ROR1: variants seen among roughly 807,000 people sequenced by gnomAD.
ROR1 encodes ROR family WNT receptor 1, also known as inactive tyrosine-protein kinase transmembrane receptor ROR1.
ROR1 carries 19 observed loss-of-function variants against 78.8 expected under a neutral mutation model. The ratio of observed to expected loss-of-function variants is 0.24; its 90% CI spans 0.17 to 0.35. ROR1 has a LOEUF of 0.35. Among genes scored for constraint, ROR1 ranks in the 10% least tolerant of loss-of-function variants. The probability of loss-of-function intolerance (pLI) is 1.00; values close to 1 mark genes in which losing one functional copy is unlikely to be tolerated. For missense variants in ROR1, 917 were observed against 1,177.8 expected, an observed-to-expected ratio of 0.78 and a Z score of 3.24; for synonymous variants, 386 against 433.6, an observed-to-expected ratio of 0.89 and a Z score of 1.36.
intron 4 of ROR1, among the ~76,000 whole-genome samples, chr1:64,123,215 T>C (rs543581013): frequency 6.6e-6 from 1 of 152,334 alleles, no homozygotes; most frequent in East Asian, 1.9e-4. Flanking sequence ...AGGCTACCTC[T>C]ATGTCTCTGC....
chr1:63,903,154 G>A lies in ROR1; in HGVS notation c.92-106151G>A, dbSNP rs144216066. ...TAAAATCAGGGTTCTGTTAAGATAA[G>A]GGAAAAGGAGGGGCTGGATATCAGG... On this transcript the variant is annotated intron_variant, in intron 1 of 8. Coordinates refer to ENST00000371079, the MANE Select transcript of ROR1 (RefSeq NM_005012.4). 3.0e-3 allele frequency among the ~76,000 whole-genome samples: 454 copies of A among 152,282 alleles called. 1 individual carries two copies. The highest frequency in any genetic ancestry group is 5.6e-3 in the Non-Finnish European group (384 of 68,020).
At chr1:64,085,945 G>A (rs555496619) in intron 4 of ROR1, among the ~76,000 whole-genome samples, 9 of 152,276 alleles carry the variant, frequency 5.9e-5, no homozygotes, top group East Asian at 5.8e-4. Flanking sequence ...GGCATGTGCC[G>A]TTGGTTATCA....
chr1:64,119,740 A>G (rs949275153), intron 4 of ROR1, among the ~76,000 whole-genome samples: 1 of 151,956 alleles, frequency 6.6e-6, no homozygotes, highest in Non-Finnish European at 1.5e-5. Flanking sequence ...GAACCATAGT[A>G]GGTCAGGACA....
At chr1:63,782,273 A>G (rs1018402862) in intron 1 of ROR1, among the ~76,000 whole-genome samples, 8 of 152,202 alleles carry the variant, frequency 5.3e-5, no homozygotes, top group African/African-American at 1.9e-4. Flanking sequence ...TCTCACAGTT[A>G]AGTGAAGCCA....
chr1:63,941,735 G>T (rs1645842195), intron 1 of ROR1, among the ~76,000 whole-genome samples: 2 of 152,154 alleles, frequency 1.3e-5, no homozygotes, highest in African/African-American at 4.8e-5. Flanking sequence ...ATAAGGCTTT[G>T]TTCCCTTCTA....
rs566038142 is a variant in ROR1, at chr1:64,032,145, A to C, written c.164-17546A>C. Among the ~76,000 whole-genome samples the C allele has an allele frequency of 2.6e-5, 4 of 152,022 alleles. No homozygotes were observed. The East Asian group carries it at 5.8e-4, about 22-fold the overall frequency. ...ATCATGAGGTCAGGAGATCGAGACCATCCTGGCTACCACAGTGAAACCCCG... is the reference window on the plus strand; with the variant it reads ...ATCATGAGGTCAGGAGATCGAGACCCTCCTGGCTACCACAGTGAAACCCCG... On this transcript the variant is annotated intron_variant, in intron 2 of 8. Transcript: ENST00000371079.
chr1:63,878,243 A>G (rs145380199), intron 1 of ROR1, among the ~76,000 whole-genome samples: 3,005 of 152,232 alleles, frequency 0.02, 89 homozygotes, highest in African/African-American at 0.065. Flanking sequence ...TACAGGACTC[A>G]TGTGGAATGC....
Position 63,878,167 on chromosome 1 carries a change from T to C in ROR1, c.91+103659T>C, listed in dbSNP as rs372718301. Reference sequence around the variant, plus strand: ...CTTGGGGACTCCAGAAGGGCCTTGGTGTCCTTCAGTAGCATGGAGTGTATA... The same window carrying C: ...CTTGGGGACTCCAGAAGGGCCTTGGCGTCCTTCAGTAGCATGGAGTGTATA... On this transcript the variant is annotated intron_variant, in intron 1 of 8. Transcript: ENST00000371079. Among the ~76,000 whole-genome samples the C allele has an allele frequency of 1.7e-4, 26 of 152,312 alleles. No homozygotes were observed. The East Asian group carries it at 4.6e-3, about 27-fold the overall frequency.
At chr1:64,166,298 CATG>C (rs1168786718) in intron 8 of ROR1, among the ~76,000 whole-genome samples, 1 of 152,176 alleles carries the variant, frequency 6.6e-6, no homozygotes, top group East Asian at 1.9e-4. Context: ...AGTCAGCTAG[CATG>C]ATGCCTCCAG....
At chr1:63,878,348 C>G (rs615173) in intron 1 of ROR1, among the ~76,000 whole-genome samples, 113,571 of 152,160 alleles carry the variant, frequency 0.75, 48,037 homozygotes, top group East Asian at 0.99. Flanking sequence ...ATTACCATTC[C>G]TTGACGATGA....
intron 1 of ROR1, among the ~76,000 whole-genome samples, chr1:63,872,618 C>T (rs1379606119): frequency 6.6e-6 from 1 of 152,162 alleles, no homozygotes; most frequent in Non-Finnish European, 1.5e-5. Flanking sequence ...GGCCACCCAG[C>T]CTTTCTTGGC....
At chr1:63,840,611 A>G (rs1036241625) in intron 1 of ROR1, among the ~76,000 whole-genome samples, 1 of 152,078 alleles carries the variant, frequency 6.6e-6, no homozygotes, top group Non-Finnish European at 1.5e-5. Flanking sequence ...TAATCTTCCA[A>G]TTCTGAGTAA....
intron 1 of ROR1, among the ~76,000 whole-genome samples, chr1:63,945,342 G>A (rs561381538): frequency 4.3e-4 from 65 of 151,954 alleles, no homozygotes; most frequent in Non-Finnish European, 7.8e-4. Context: ...TTTTCTGTGT[G>A]TGATTCACTC....
intron 1 of ROR1, among the ~76,000 whole-genome samples, chr1:63,926,367 G>C (rs563197517): frequency 3.3e-5 from 5 of 152,136 alleles, no homozygotes; most frequent in South Asian, 4.2e-4. Flanking sequence ...CTGTTCCATT[G>C]ATCTATATCT....
intron 1 of ROR1, among the ~76,000 whole-genome samples, chr1:63,947,997 A>G (rs1645903922): frequency 6.6e-6 from 1 of 152,156 alleles, no homozygotes; most frequent in Admixed American, 6.5e-5. Context: ...TCTCATTTTT[A>G]CCCTGTCAGT....
At chr1:64,098,332 C>T (rs987874863) in intron 4 of ROR1, among the ~76,000 whole-genome samples, 1 of 152,112 alleles carries the variant, frequency 6.6e-6, no homozygotes. Flanking sequence ...GGGGCCCGGG[C>T]TGTGCAGTTC....
intron 4 of ROR1, among the ~76,000 whole-genome samples, chr1:64,100,583 A>T (rs1020485524): frequency 1.3e-5 from 2 of 152,204 alleles, no homozygotes; most frequent in Admixed American, 6.5e-5. Context: ...TTTACTTTAT[A>T]TCAGCATCAC....
chr1:63,794,158 C>T (rs1272951384), intron 1 of ROR1, among the ~76,000 whole-genome samples: 1 of 152,206 alleles, frequency 6.6e-6, no homozygotes, highest in Non-Finnish European at 1.5e-5. Flanking sequence ...AATATGGGCT[C>T]CGAGAGTCAG....
At position 64,179,024 on chromosome 1, in the gene ROR1, GAA is replaced by G. The variant is rs10709706; in HGVS notation, c.*190_*191del. ...ACCAAGCAGGACAGACACTCGGCCA[GAA>G]AAAAAAAAAAAAAAAAAAAACAAGC... On this transcript the variant is annotated 3_prime_UTR_variant, in exon 9 of 9. Coordinates refer to ENST00000371079, the MANE Select transcript of ROR1 (RefSeq NM_005012.4). 0.034 allele frequency: 5,271 copies of G among 156,076 alleles called. 3 individuals are homozygous for G. The highest frequency in any genetic ancestry group is 0.058 in the South Asian group (705 of 12,252). 9.7% of individuals were successfully genotyped at this position (156,076 alleles called of 1,614,324 possible).
Sources: allele counts gnomAD v4.1 joint callset (sites outside exome capture counted in the v4.1 genomes callset), GRCh38; gene constraint gnomAD v4.1.1; transcripts MANE v1.5; gene names NCBI Gene and HGNC (gene_info 2026-07-23, HGNC 2026-07-21).